The following CRYZL1 variants were observed in gnomAD, a reference collection of about 807,000 sequenced individuals.
The protein encoded by CRYZL1 is ferry endosomal RAB5 effector complex subunit 4.
CRYZL1 carries 34 observed loss-of-function variants against 50.6 expected under a neutral mutation model. That is an observed-to-expected ratio of 0.67 (90% CI 0.51 to 0.89). CRYZL1 has a LOEUF of 0.89. Among genes scored for constraint, CRYZL1 ranks in the 40% least tolerant of loss-of-function variants. The pLI is 0.00. For synonymous variants in CRYZL1, 125 were observed against 134.3 expected, an observed-to-expected ratio of 0.93 and a Z score of 0.48; for missense variants, 354 against 402.3, an observed-to-expected ratio of 0.88 and a Z score of 1.03.
intron 4 of CRYZL1, among the ~76,000 whole-genome samples, chr21:33,619,821 C>T (rs866733489): frequency 1.3e-5 from 2 of 152,346 alleles, no homozygotes; most frequent in Middle Eastern, 3.4e-3. Flanking sequence ...CTTTCACTTG[C>T]TTGTCTTTGC....
At chr21:33,604,398 A>G in intron 6 of CRYZL1, among the ~76,000 whole-genome samples, 5 of 133,170 alleles carry the variant, frequency 3.8e-5, no homozygotes, top group Admixed American at 7.9e-5. Context: ...GCGTGGTGGC[A>G]GGCGCCTTTG....
chr21:33,598,184 C>T (rs1332317975), intron 9 of CRYZL1, among the ~76,000 whole-genome samples: 6 of 152,042 alleles, frequency 3.9e-5, no homozygotes, highest in Non-Finnish European at 4.4e-5. Flanking sequence ...TGAATTGATT[C>T]CCAATTAAAA....
chr21:33,613,404 ACATACATGACTGG>A (rs2086893555), intron 6 of CRYZL1, 121 bp downstream of exon 6: 1 of 577,398 alleles, frequency 1.7e-6, no homozygotes, highest in Non-Finnish European at 3.0e-6. Context: ...AACATTTTTT[ACATACATGACTGG>A]CTAATGATAC....
Position 33,612,710 on chromosome 21 carries a change from AGT to A in CRYZL1, c.331+826_331+827del, listed in dbSNP as rs147973146. The stretch of plus-strand genomic sequence containing the variant: ...GCAACTGTTTAATATGGTTTCATGA[AGT>A]GTGTGTGTGTGTACATGTACTTTAA... On this transcript the variant is annotated intron_variant, in intron 6 of 12. Transcript: ENST00000381554. Among the ~76,000 whole-genome samples the A allele has an allele frequency of 5.0e-3, 760 of 152,140 alleles. 6 individuals are homozygous for A. Among genetic ancestry groups the A allele is most frequent in the African/African-American group, 0.014 (593 of 41,534 alleles).
intron 4 of CRYZL1, 56 bp downstream of exon 4, chr21:33,621,940 A>G: frequency 2.4e-6 from 3 of 1,239,992 alleles, no homozygotes; most frequent in Non-Finnish European, 3.4e-6. Context: ...AATTAGCTAC[A>G]TTTAATCTCT....
At chr21:33,608,214 G>T (rs2086833554) in intron 6 of CRYZL1, among the ~76,000 whole-genome samples, 1 of 152,210 alleles carries the variant, frequency 6.6e-6, no homozygotes, top group South Asian at 2.1e-4. Flanking sequence ...CAGCACTTTG[G>T]GAGGCCGAGG....
rs186528308 is a variant in CRYZL1, at chr21:33,610,801, G to A, written c.331+2737C>T. Reference sequence around the variant, plus strand: ...GAGGCTGGAGTACAGTGGCACTGTTGGCTCACTGCAACCTCCGTCTCCTGA... The same window carrying A: ...GAGGCTGGAGTACAGTGGCACTGTTAGCTCACTGCAACCTCCGTCTCCTGA... On this transcript the variant is annotated intron_variant, in intron 6 of 12. Coordinates refer to ENST00000381554, the MANE Select transcript of CRYZL1 (RefSeq NM_145858.3). Among the ~76,000 whole-genome samples, 427 of 135,024 alleles carry A rather than the reference G, an allele frequency of 3.2e-3. 3 individuals carry two copies. The highest frequency in any genetic ancestry group is 4.9e-3 in the Non-Finnish European group (321 of 65,094). The allele number at this position is 135,024 out of a possible 152,430, so 88.6% of individuals were successfully genotyped here. A position where few individuals can be genotyped will look rare whatever the true frequency, so the allele number is the denominator to read the frequency against.
rs376636520 is a variant in CRYZL1 at position 33,589,910 on chromosome 21, T to C, written c.962A>G (p.Asp321Gly). The change falls in exon 13 of 13, where the codon GAT becomes GGT. Residue 321 changes from aspartate (D) to glycine (G), a missense_variant. Coordinates refer to ENST00000381554, the MANE Select transcript of CRYZL1 (RefSeq NM_145858.3). ...LSTGVFRPQL[D>G]EPIPLYEAKV... The stretch of plus-strand genomic sequence containing the variant: ...TGCCTCATACAGTGGAATGGGTTCA[T>C]CCAACTGAGGTCTGAGAAGGAATGA... 1 of 1,596,280 alleles carries C rather than the reference T, an allele frequency of 6.3e-7. No homozygotes were observed. The highest frequency in any genetic ancestry group is 1.3e-5 in the African/African-American group (1 of 74,096).
At chr21:33,639,152 C>T (rs1431141540) in intron 1 of CRYZL1, among the ~76,000 whole-genome samples, 2 of 152,168 alleles carry the variant, frequency 1.3e-5, no homozygotes, top group Non-Finnish European at 2.9e-5. Flanking sequence ...TCCCCACCTC[C>T]ATGAGGGATT....
At chr21:33,612,552 G>T (rs1036719162) in intron 6 of CRYZL1, among the ~76,000 whole-genome samples, 1 of 152,190 alleles carries the variant, frequency 6.6e-6, no homozygotes, top group Non-Finnish European at 1.5e-5. Flanking sequence ...GCGTCCCAAA[G>T]TGCTAGGATC....
chr21:33,617,530 T>C (rs1432304997), intron 4 of CRYZL1, among the ~76,000 whole-genome samples: 3 of 152,184 alleles, frequency 2.0e-5, no homozygotes, highest in African/African-American at 7.2e-5. Context: ...AAGGGCTTTA[T>C]TTGGCCGGGA....
intron 1 of CRYZL1, chr21:33,639,652 A>G (rs2087252879): frequency 6.6e-6 from 1 of 152,290 alleles, no homozygotes; most frequent in South Asian, 2.1e-4. Flanking sequence ...CCAGTTCACT[A>G]GAGGATTGTA....
chr21:33,610,099 C>T (rs1349878644), intron 6 of CRYZL1, among the ~76,000 whole-genome samples: 1 of 151,988 alleles, frequency 6.6e-6, no homozygotes, highest in African/African-American at 2.4e-5. Flanking sequence ...ATCCTCCTAC[C>T]TCAGCCTCCC....
intron 8 of CRYZL1, among the ~76,000 whole-genome samples, chr21:33,601,797 G>A (rs1206814603): frequency 6.6e-6 from 1 of 151,584 alleles, no homozygotes; most frequent in Non-Finnish European, 1.5e-5. Flanking sequence ...TATGCCTGTA[G>A]TCCCAGCTAC....
At chr21:33,602,524 T>C (rs569806337) in intron 7 of CRYZL1, among the ~76,000 whole-genome samples, 179 bp from the exon 8 acceptor site, 7 of 152,342 alleles carry the variant, frequency 4.6e-5, no homozygotes, top group Admixed American at 1.3e-4. Context: ...AAATATTTGA[T>C]TGACTTTCTT....
At chr21:33,621,119 A>C (rs2086994832) in intron 4 of CRYZL1, among the ~76,000 whole-genome samples, 3 of 148,434 alleles carry the variant, frequency 2.0e-5, no homozygotes, top group Non-Finnish European at 4.5e-5. Context: ...GTTAGCCAGG[A>C]TGGTCTCGAT....
chr21:33,598,145 A>G (rs568350019), intron 9 of CRYZL1, among the ~76,000 whole-genome samples: 7 of 152,244 alleles, frequency 4.6e-5, no homozygotes, highest in Non-Finnish European at 1.0e-4. Flanking sequence ...AAATCTGACA[A>G]TTAACACTGA....
rs572963085 is a variant in CRYZL1 at position 33,631,386 on chromosome 21, T to C, written c.66+100A>G. 116 of 783,918 alleles carry C rather than the reference T, an allele frequency of 1.5e-4. 1 individual carries two copies. The African/African-American group carries it at 1.9e-3, about 13-fold the overall frequency. 48.6% of individuals were successfully genotyped at this position (783,918 alleles called of 1,614,324 possible). ...ATTTGAGGAGTTTCATTTGAGTAATTTTGTTCATTAAGTCTCACTGAAAAT... is the reference window on the plus strand; with the variant it reads ...ATTTGAGGAGTTTCATTTGAGTAATCTTGTTCATTAAGTCTCACTGAAAAT... On this transcript the variant is annotated intron_variant, in intron 2 of 12. Transcript: ENST00000381554.
chr21:33,589,963 A>G, intron 12 of CRYZL1, 42 bp from the exon 13 acceptor site: 2 of 1,190,208 alleles, frequency 1.7e-6, no homozygotes, highest in Non-Finnish European at 1.2e-6. Flanking sequence ...CTAGTTAAAG[A>G]TAAGTAGAAC....
Sources: gnomAD v4.1 joint callset for allele counts (sites outside exome capture counted in the v4.1 genomes callset) on GRCh38, gnomAD v4.1.1 for gene constraint, MANE v1.5 for transcripts, NCBI Gene and HGNC (gene_info 2026-07-23, HGNC 2026-07-21) for gene names.